Variants in CPT1A observed in about 807,000 individuals in gnomAD.
CPT1A encodes the protein carnitine O-palmitoyltransferase 1, liver isoform.
A neutral mutation model predicts 100.8 loss-of-function variants in CPT1A; 64 were observed. The ratio of observed to expected loss-of-function variants is 0.63; its 90% CI spans 0.52 to 0.78. The LOEUF (loss-of-function observed/expected upper bound fraction) is 0.78, where lower values mean the gene tolerates loss of function less well. CPT1A is among the 30% of genes least tolerant of loss of function. The pLI is 0.00. For missense variants in CPT1A, 802 were observed against 1,034.1 expected, an observed-to-expected ratio of 0.78 and a Z score of 3.08; for synonymous variants, 363 against 396.0, an observed-to-expected ratio of 0.92 and a Z score of 0.99.
In CPT1A at chr11:68,812,479, G is replaced by A. The variant is rs778008039; in HGVS notation, c.239C>T (p.Ser80Leu). Residue 80 changes from serine (S) to leucine (L), a missense_variant, in exon 3 of 19, where the codon TCG becomes TTG. By Grantham distance (145) the Ser-to-Leu change is moderately radical. This residue lies in a region of CPT1A where 161 missense variants were observed against 183.7 expected (regional missense o/e 0.88). Coordinates refer to ENST00000265641, the MANE Select transcript of CPT1A (RefSeq NM_001876.4). ...ATTGATTTTTGCAATTATTCCTAAC[G>A]AGGGGTCGATCTTGGCGTACATCGT... ...MTTMYAKIDP[S>L]LGIIAKINRT... 37 of 1,614,034 alleles carry A rather than the reference G, an allele frequency of 2.3e-5. No individual in the cohort carries two copies. Among genetic ancestry groups the A allele is most frequent in the Non-Finnish European group, 2.7e-5 (32 of 1,180,036 alleles).
intron 12 of CPT1A, among the ~76,000 whole-genome samples, chr11:68,778,584 T>C (rs2153997497): frequency 6.6e-6 from 1 of 151,752 alleles, no homozygotes; most frequent in East Asian, 2.0e-4. Context: ...TAATCCCAGC[T>C]ACTCGGGAGG....
chr11:68,802,498 G>A (rs546650104), intron 5 of CPT1A, among the ~76,000 whole-genome samples: 33 of 151,712 alleles, frequency 2.2e-4, no homozygotes, highest in Admixed American at 3.3e-4. Flanking sequence ...TTCGGAGGCC[G>A]AGGCAGGCAG....
At chr11:68,832,210 AGG>A (rs1295219514) in intron 1 of CPT1A, among the ~76,000 whole-genome samples, 1 of 152,210 alleles carries the variant, frequency 6.6e-6, no homozygotes, top group Non-Finnish European at 1.5e-5. Context: ...GCACTTTGGC[AGG>A]CCAAGGCGGA....
intron 1 of CPT1A, among the ~76,000 whole-genome samples, chr11:68,817,142 GGT>G (rs1273424976): frequency 7.8e-6 from 1 of 127,618 alleles, no homozygotes; most frequent in African/African-American, 3.8e-5. Context: ...GTTGTGTGGG[GGT>G]GTGTGTGTCT....
chr11:68,832,053 T>G (rs576020084), intron 1 of CPT1A, among the ~76,000 whole-genome samples: 1 of 152,302 alleles, frequency 6.6e-6, no homozygotes, highest in East Asian at 1.9e-4. Flanking sequence ...CCCTAGGAAA[T>G]GGGTACTAGG....
Position 68,800,935 on chromosome 11 carries a change from C to T in CPT1A, c.556-1580G>A, listed in dbSNP as rs555833581. On this transcript the variant is annotated intron_variant, in intron 5 of 18. Transcript: ENST00000265641. ...TTCAAGACCAGCCTGGGCAACATGGCAAGACCCTGTCTCTACAAGAAAGTA... is the reference window on the plus strand; with the variant it reads ...TTCAAGACCAGCCTGGGCAACATGGTAAGACCCTGTCTCTACAAGAAAGTA... 2.6e-5 allele frequency among the ~76,000 whole-genome samples: 4 copies of T among 151,736 alleles called. No individual in the cohort carries two copies. In the South Asian group the frequency reaches 8.3e-4, roughly 32 times the overall value.
At chr11:68,826,093 C>T (rs1307245718) in intron 1 of CPT1A, among the ~76,000 whole-genome samples, 1 of 152,180 alleles carries the variant, frequency 6.6e-6, no homozygotes, top group Non-Finnish European at 1.5e-5. Context: ...GTAGAGGGCC[C>T]CAGACCAGAG....
intron 14 of CPT1A, among the ~76,000 whole-genome samples, chr11:68,765,508 A>G (rs1175707537): frequency 6.6e-6 from 1 of 152,238 alleles, no homozygotes; most frequent in Non-Finnish European, 1.5e-5. Context: ...TCTAAGAAGC[A>G]GGATTCAAAG....
At chr11:68,812,268 G>A (rs929001094) in intron 3 of CPT1A, among the ~76,000 whole-genome samples, 169 bp downstream of exon 3, 2 of 152,172 alleles carry the variant, frequency 1.3e-5, no homozygotes, top group African/African-American at 4.8e-5. Flanking sequence ...AAACTCCTAG[G>A]GGGACCTTAA....
Position 68,756,220 on chromosome 11 carries a change from A to G in CPT1A, c.*1424T>C, listed in dbSNP as rs1194349904. The stretch of plus-strand genomic sequence containing the variant: ...CTATCGGGGTGCAGCACTCTGAAGG[A>G]GTCAGGCCCAACTAGAACCAAGTGG... On this transcript the variant is annotated 3_prime_UTR_variant, in exon 19 of 19. Coordinates refer to ENST00000265641, the MANE Select transcript of CPT1A (RefSeq NM_001876.4). 2 of 152,076 alleles carry G rather than the reference A, an allele frequency of 1.3e-5. No individual in the cohort carries two copies. Among genetic ancestry groups the G allele is most frequent in the East Asian group, 3.9e-4 (2 of 5,170 alleles). 9.4% of individuals were successfully genotyped at this position (152,076 alleles called of 1,614,324 possible). A position where few individuals can be genotyped will look rare whatever the true frequency, so the allele number is the denominator to read the frequency against.
At chr11:68,824,231 A>G (rs750177889) in intron 1 of CPT1A, among the ~76,000 whole-genome samples, 7 of 150,276 alleles carry the variant, frequency 4.7e-5, no homozygotes, top group Non-Finnish European at 1.0e-4. Flanking sequence ...CTGGGGGACA[A>G]GAGCAAAGCT....
At chr11:68,827,586 T>C (rs1181083616) in intron 1 of CPT1A, among the ~76,000 whole-genome samples, 2 of 151,514 alleles carry the variant, frequency 1.3e-5, no homozygotes, top group Admixed American at 6.6e-5. Flanking sequence ...CTCACTATGT[T>C]GCCCAGGCTG....
chr11:68,774,771 G>A (rs1176171858), intron 13 of CPT1A, among the ~76,000 whole-genome samples: 2 of 131,612 alleles, frequency 1.5e-5, no homozygotes, highest in Non-Finnish European at 3.1e-5. Flanking sequence ...GACAGTGCGA[G>A]ACTACATCTC....
At chr11:68,799,174 A>G (rs754900363) in intron 6 of CPT1A, 44 bp downstream of exon 6, 2 of 368,588 alleles carry the variant, frequency 5.4e-6, no homozygotes, top group Admixed American at 1.3e-4. Context: ...TAGCGTCTTC[A>G]TACGGAAAAA....
chr11:68,807,520 C>T lies in CPT1A; in HGVS notation c.400G>A (p.Gly134Arg), dbSNP rs200242711. 14 of 1,614,044 alleles carry T rather than the reference C, an allele frequency of 8.7e-6. No individual in the cohort carries two copies. The highest frequency in any genetic ancestry group is 1.7e-5 in the Admixed American group (1 of 59,992). ...YSLKVLLSYH[G>R]WMFTEHGKMS... ...TTGCCGTGCTCAGTGAACATCCACCCGTGGTAGGAGAGCAGCACTTTCAGG... is the reference window on the plus strand; with the variant it reads ...TTGCCGTGCTCAGTGAACATCCACCTGTGGTAGGAGAGCAGCACTTTCAGG... Residue 134 changes from glycine (G) to arginine (R), a missense_variant, in exon 4 of 19, where the codon GGG (glycine) becomes AGG (arginine). By Grantham distance (125) the Gly-to-Arg change is moderately radical (BLOSUM62 -2). Transcript: ENST00000265641.
At chr11:68,762,270 G>A (rs779749316) in intron 15 of CPT1A, among the ~76,000 whole-genome samples, 5 of 152,202 alleles carry the variant, frequency 3.3e-5, no homozygotes, top group African/African-American at 4.8e-5. Flanking sequence ...GGTCCCGTGC[G>A]ACAGTCACAG....
chr11:68,793,237 C>T (rs2153999573), intron 9 of CPT1A, 78 bp downstream of exon 9: 1 of 1,052,992 alleles, frequency 9.5e-7, no homozygotes, highest in Non-Finnish European at 1.4e-6. Context: ...CAATTTGGCC[C>T]CTTTGACACT....
intron 3 of CPT1A, among the ~76,000 whole-genome samples, chr11:68,810,684 T>C (rs1253880986): frequency 6.6e-6 from 1 of 152,100 alleles, no homozygotes; most frequent in Non-Finnish European, 1.5e-5. Flanking sequence ...AATCTTTTAT[T>C]TCTAGTCATC....
At chr11:68,806,127 C>T (rs180766442) in intron 4 of CPT1A, among the ~76,000 whole-genome samples, 2 of 152,134 alleles carry the variant, frequency 1.3e-5, no homozygotes, top group African/African-American at 2.4e-5. Context: ...GCATTCCTCC[C>T]ACCTCAGCCT....
Sources: allele counts gnomAD v4.1 joint callset (sites outside exome capture counted in the v4.1 genomes callset), GRCh38; gene constraint gnomAD v4.1.1; regional missense constraint gnomAD v4.1.1; transcripts MANE v1.5; gene names NCBI Gene and HGNC (gene_info 2026-07-23, HGNC 2026-07-21).